The following DLGAP2 variants were observed in gnomAD, a reference collection of about 807,000 sequenced individuals.
The protein encoded by DLGAP2 is DLG associated protein 2.
DLGAP2 carries 26 observed loss-of-function variants against 100.3 expected under a neutral mutation model. The ratio of observed to expected loss-of-function variants is 0.26; its 90% CI spans 0.19 to 0.36. The LOEUF is 0.36. Among genes scored for constraint, DLGAP2 ranks in the 10% least tolerant of loss-of-function variants. The pLI is 1.00. For missense variants in DLGAP2, 1,858 were observed against 1,453.2 expected, an observed-to-expected ratio of 1.28 and a Z score of -4.53; for synonymous variants, 886 against 630.1, an observed-to-expected ratio of 1.41 and a Z score of -6.08.
chr8:1,336,871 G>A (rs996951147), intron 3 of DLGAP2, among the ~76,000 whole-genome samples: 7 of 152,134 alleles, frequency 4.6e-5, no homozygotes, highest in Non-Finnish European at 1.0e-4. Context: ...GTAGTTAAAA[G>A]GTATTGATTC....
intron 2 of DLGAP2, among the ~76,000 whole-genome samples, chr8:1,068,635 G>T (rs1013691152): frequency 7.4e-5 from 11 of 149,132 alleles, no homozygotes; most frequent in Admixed American, 7.3e-4. Context: ...GGAGCGGGGA[G>T]ATGAGGGAAC....
intron 1 of DLGAP2, among the ~76,000 whole-genome samples, chr8:806,796 C>G (rs767366058): frequency 6.6e-6 from 1 of 152,312 alleles, no homozygotes; most frequent in Non-Finnish European, 1.5e-5. Flanking sequence ...TGATGTCGCT[C>G]TTCTTATTAA....
chr8:1,337,102 G>A (rs1459042379), intron 3 of DLGAP2, among the ~76,000 whole-genome samples: 3 of 152,102 alleles, frequency 2.0e-5, no homozygotes, highest in African/African-American at 7.2e-5. Flanking sequence ...AGGAGGTGAA[G>A]AAGAAATAGA....
chr8:1,182,610 G>A (rs1417808133), intron 2 of DLGAP2, among the ~76,000 whole-genome samples: 2 of 152,206 alleles, frequency 1.3e-5, no homozygotes, highest in African/African-American at 2.4e-5. Context: ...ACTAGGAAAT[G>A]AGTGCTTTTG....
At chr8:1,263,575 T>G (rs1193399983) in intron 3 of DLGAP2, among the ~76,000 whole-genome samples, 1 of 152,234 alleles carries the variant, frequency 6.6e-6, no homozygotes, top group African/African-American at 2.4e-5. Context: ...ATACAAGATA[T>G]TCAAGATTTT....
rs79604057 is a variant in DLGAP2, at chr8:843,897, A to G, written c.19-64015A>G. Among the ~76,000 whole-genome samples, 846 of 152,338 alleles carry G rather than the reference A, an allele frequency of 5.6e-3. 8 individuals are homozygous for G. The highest frequency in any genetic ancestry group is 0.019 in the African/African-American group (797 of 41,568). ...TGTACGGAAAACATATGTTTAAGTC[A>G]TTGAAGTTTATCTGGCTTGTTTTAG... is the stretch of plus-strand genomic sequence containing the variant. On this transcript the variant is annotated intron_variant, in intron 1 of 14. Coordinates refer to ENST00000637795, the MANE Select transcript of DLGAP2 (RefSeq NM_001346810.2).
At chr8:1,441,109 G>T (rs1797817508) in intron 3 of DLGAP2, among the ~76,000 whole-genome samples, 1 of 152,120 alleles carries the variant, frequency 6.6e-6, no homozygotes, top group African/African-American at 2.4e-5. Context: ...AGAATAAAAA[G>T]CTCCAAGAAA....
chr8:1,627,507 C>T (rs1407510101), intron 7 of DLGAP2, among the ~76,000 whole-genome samples: 1 of 152,234 alleles, frequency 6.6e-6, no homozygotes, highest in Admixed American at 6.5e-5. Context: ...GTGAAAAAAT[C>T]GGCAAGTGTC....
intron 1 of DLGAP2, among the ~76,000 whole-genome samples, chr8:824,389 C>T (rs1796646919): frequency 1.3e-5 from 2 of 152,168 alleles, no homozygotes; most frequent in South Asian, 4.1e-4. Flanking sequence ...ATTCCTTCTT[C>T]TTTCTCTGGT....
At chr8:836,759 A>G (rs1265803907) in intron 1 of DLGAP2, among the ~76,000 whole-genome samples, 1 of 152,158 alleles carries the variant, frequency 6.6e-6, no homozygotes, top group African/African-American at 2.4e-5. Context: ...TTTCATGTGA[A>G]CACCACGTTA....
intron 1 of DLGAP2, chr8:891,747 AG>A (rs1472119965): frequency 6.6e-6 from 1 of 152,288 alleles, no homozygotes; most frequent in African/African-American, 2.4e-5. Context: ...GACACTGTGG[AG>A]TGCAAAGCAC....
intron 2 of DLGAP2, among the ~76,000 whole-genome samples, chr8:1,231,328 C>T (rs745960889): frequency 2.6e-5 from 4 of 152,042 alleles, no homozygotes; most frequent in African/African-American, 4.8e-5. Context: ...ATTAAAAAGT[C>T]GAAAAACAAC....
At chr8:1,492,497 G>T (rs551666041) in intron 3 of DLGAP2, among the ~76,000 whole-genome samples, 36 of 152,330 alleles carry the variant, frequency 2.4e-4, no homozygotes, top group African/African-American at 8.7e-4. Flanking sequence ...TCTGCTGAGC[G>T]TTCCCTGTGC....
At chr8:1,416,106 T>C (rs1350701391) in intron 3 of DLGAP2, among the ~76,000 whole-genome samples, 1 of 152,300 alleles carries the variant, frequency 6.6e-6, no homozygotes, top group East Asian at 1.9e-4. Context: ...CCCTGCATAA[T>C]ATCTGCTTGA....
At chr8:1,340,828 C>CA (rs1801401068) in intron 3 of DLGAP2, among the ~76,000 whole-genome samples, 1 of 152,216 alleles carries the variant, frequency 6.6e-6, no homozygotes, top group South Asian at 2.1e-4. Flanking sequence ...GACGTGGAAT[C>CA]AACCTAAATG....
intron 2 of DLGAP2, among the ~76,000 whole-genome samples, chr8:937,259 G>A (rs539146723): frequency 9.2e-5 from 14 of 152,202 alleles, no homozygotes; most frequent in South Asian, 6.2e-4. Context: ...CACCATGATG[G>A]GCATGCTGTT....
chr8:1,507,109 G>C (rs1799947632), intron 4 of DLGAP2, among the ~76,000 whole-genome samples: 1 of 152,226 alleles, frequency 6.6e-6, no homozygotes, highest in African/African-American at 2.4e-5. Context: ...GCTTCACCTA[G>C]CGGATCCTGC....
At chr8:1,384,018 C>T (rs2129777979) in intron 3 of DLGAP2, among the ~76,000 whole-genome samples, 1 of 152,268 alleles carries the variant, frequency 6.6e-6, no homozygotes, top group South Asian at 2.1e-4. Context: ...ATATGTGACC[C>T]CAACAAGAAA....
At position 1,090,421 on chromosome 8, in the gene DLGAP2, G is replaced by T. The variant is rs537812666; in HGVS notation, c.74-168430G>T. On this transcript the variant is annotated intron_variant, in intron 2 of 14. Transcript: ENST00000637795. ...ATGTCTGCACTCTGGGGCCCTCCTGGCCAGGCAGGGCAGGCTCTTGGGCTC... is the reference window on the plus strand; with the variant it reads ...ATGTCTGCACTCTGGGGCCCTCCTGTCCAGGCAGGGCAGGCTCTTGGGCTC... Among the ~76,000 whole-genome samples the T allele has an allele frequency of 2.0e-5, 3 of 152,354 alleles. No individual in the cohort carries two copies. In the South Asian group the frequency reaches 6.2e-4, roughly 32 times the overall value.
Sources: gnomAD v4.1 joint callset for allele counts (sites outside exome capture counted in the v4.1 genomes callset) on GRCh38, gnomAD v4.1.1 for gene constraint, MANE v1.5 for transcripts, NCBI Gene and HGNC (gene_info 2026-07-23, HGNC 2026-07-21) for gene names.